MTX1: variants seen among roughly 807,000 people sequenced by gnomAD.
The protein encoded by MTX1 is metaxin-1.
MTX1 carries 20 observed loss-of-function variants against 39.4 expected under a neutral mutation model. The ratio of observed to expected loss-of-function variants is 0.51; its 90% CI spans 0.36 to 0.74. The LOEUF (loss-of-function observed/expected upper bound fraction) is 0.74, where lower values mean the gene tolerates loss of function less well. MTX1 is among the 30% of genes least tolerant of loss of function. MTX1 has a pLI of 0.00. For missense variants in MTX1, 481 were observed against 485.9 expected (o/e 0.99, Z 0.10); for synonymous variants, 209 against 198.6 (o/e 1.05, Z -0.44).
rs1406645633 is a variant in MTX1 at position 155,212,709 on chromosome 1, C to T, written c.970C>T (p.Arg324Trp). The T allele has an allele frequency of 4.4e-6, 7 of 1,606,726 alleles. No individual in the cohort carries two copies. Among genetic ancestry groups the T allele is most frequent in the South Asian group, 1.1e-5 (1 of 90,052 alleles). Residue 324 changes from arginine to tryptophan, a missense_variant, in exon 6 of 8, where the codon CGG (arginine) becomes TGG (tryptophan). Physicochemically the swap from Arg to Trp is moderately radical, Grantham distance 101. Transcript: ENST00000368376. Reference protein sequence around the residue: ...ELEKELYREARECLTLLSQRL... With the variant: ...ELEKELYREAWECLTLLSQRL... Reference sequence around the variant, plus strand: ...GCCCCTACAGCTGTACCGAGAGGCTCGGGAGTGTCTGACCCTGCTCTCTCA... The same window carrying T: ...GCCCCTACAGCTGTACCGAGAGGCTTGGGAGTGTCTGACCCTGCTCTCTCA...
At position 155,209,068 on chromosome 1, in the gene MTX1, CG is replaced by C; in HGVS notation, c.265del (p.Glu89ArgfsTer29). 12 of 1,538,598 alleles carry C rather than the reference CG, an allele frequency of 7.8e-6. No individual in the cohort carries two copies. Among genetic ancestry groups the C allele is most frequent in the Non-Finnish European group, 9.6e-6 (11 of 1,141,466 alleles). On this transcript the variant is annotated frameshift_variant, in exon 1 of 8. Transcript: ENST00000368376. LOFTEE classifies it high-confidence loss of function. ...LWMGRRPPSP[E>X]ARGPVPRSSA... ...GGATGGGCCGGCGGCCGCCCTCCCCCGAGGCCCGCGGCCCAGTCCCCCGCAG... is the reference window on the plus strand; with the variant it reads ...GGATGGGCCGGCGGCCGCCCTCCCCCAGGCCCGCGGCCCAGTCCCCCGCAG...
intron 1 of MTX1, 35 bp from the exon 2 acceptor site, chr1:155,210,311 C>T (rs751981052): frequency 1.3e-6 from 2 of 1,580,568 alleles, no homozygotes; most frequent in African/African-American, 2.7e-5. Context: ...GGGGACATGG[C>T]TCTGCCTCTC....
intron 1 of MTX1, 128 bp from the exon 2 acceptor site, chr1:155,210,218 T>C: frequency 1.2e-6 from 1 of 813,350 alleles, no homozygotes; most frequent in Non-Finnish European, 2.0e-6. Context: ...CTCCCCCTTT[T>C]TTTTCGAGAC....
At chr1:155,209,830 C>T (rs1380507294) in intron 1 of MTX1, among the ~76,000 whole-genome samples, 1 of 152,216 alleles carries the variant, frequency 6.6e-6, no homozygotes, top group Non-Finnish European at 1.5e-5. Context: ...TTCATTTATT[C>T]ATTGACTCCT....
In MTX1 at chr1:155,210,409, C is replaced by A; in HGVS notation, c.592C>A (p.Pro198Thr). The part of the protein sequence containing the change: ...VHKISNPWQS[P>T]SGTLPALRTS... Reference sequence around the variant, plus strand: ...CAAGATCAGCAACCCCTGGCAGAGCCCTTCAGGTACCCAGTATCCCTTGGG... The same window carrying A: ...CAAGATCAGCAACCCCTGGCAGAGCACTTCAGGTACCCAGTATCCCTTGGG... The change falls in exon 2 of 8, where the codon CCT becomes ACT. Residue 198 changes from proline to threonine, a missense_variant. Transcript: ENST00000368376. 1 of 1,614,118 alleles carries A rather than the reference C, an allele frequency of 6.2e-7. No homozygotes were observed. Among genetic ancestry groups the A allele is most frequent in the South Asian group, 1.1e-5 (1 of 91,086 alleles).
rs1263340607 is a variant in MTX1, at chr1:155,210,639, G to A, written c.678+12G>A. The A allele has an allele frequency of 6.2e-7, 1 of 1,610,236 alleles. No individual in the cohort carries two copies. Among genetic ancestry groups the A allele is most frequent in the East Asian group, 2.2e-5 (1 of 44,880 alleles). On this transcript the variant is annotated intron_variant, in intron 3 of 7. Transcript: ENST00000368376. ...ACCTTCGAAAAGAGGTAGGTGACTT[G>A]GATAGAGGGGGCTGCCAGTGAGAGA...
chr1:155,208,777 G>A lies in MTX1; in HGVS notation c.-28G>A, dbSNP rs1319401970. ...CATGGCGACAGGCGGCGCAGGGCCC[G>A]CTCCAAACATAACGCGCTGTGGAAA... On this transcript the variant is annotated 5_prime_UTR_variant, in exon 1 of 8. Coordinates refer to ENST00000368376, the MANE Select transcript of MTX1 (RefSeq NM_002455.5). 3.7e-6 allele frequency: 5 copies of A among 1,345,126 alleles called. No individual in the cohort carries two copies. Among genetic ancestry groups the A allele is most frequent in the South Asian group, 1.4e-5 (1 of 70,478 alleles). The allele number at this position is 1,345,126 out of a possible 1,614,324, so 83.3% of individuals were successfully genotyped here.
At position 155,209,269 on chromosome 1, in the gene MTX1, G is replaced by A; in HGVS notation, c.465G>A (p.Glu155=). ...TGGGCAAGATGGCGGCGCCCATGGA[G>A]CTGTTCTGCTGGTCAGGGGGCTGGG... is the stretch of plus-strand genomic sequence containing the variant. ...QRVGKMAAPM[E]LFCWSGGWGL... Residue 155 remains glutamate (E), a synonymous_variant, in exon 1 of 8, where the codon GAG becomes GAA. Transcript: ENST00000368376. The A allele has an allele frequency of 2.1e-6, 3 of 1,449,140 alleles. No homozygotes were observed. The highest frequency in any genetic ancestry group is 1.4e-5 in the African/African-American group (1 of 69,068). 89.8% of individuals were successfully genotyped at this position (1,449,140 alleles called of 1,614,324 possible). A position where few individuals can be genotyped will look rare whatever the true frequency, so the allele number is the denominator to read the frequency against.
intron 1 of MTX1, among the ~76,000 whole-genome samples, chr1:155,209,716 T>A (rs1671026276): frequency 6.6e-6 from 1 of 152,182 alleles, no homozygotes; most frequent in Non-Finnish European, 1.5e-5. Context: ...CCCCTTCTCC[T>A]CTTCCTCCTC....
rs771274044 is a variant in MTX1, at chr1:155,212,419, T to C, written c.806T>C (p.Val269Ala). 6.2e-7 allele frequency: 1 copy of C among 1,614,094 alleles called. No homozygotes were observed. The highest frequency in any genetic ancestry group is 8.5e-7 in the Non-Finnish European group (1 of 1,180,010). Residue 269 changes from valine (V) to alanine (A), a missense_variant, in exon 5 of 8, where the codon GTG becomes GCG. Around this residue, in one of 2 missense-constraint regions of MTX1, gnomAD observed 113 missense variants for 153.2 expected, o/e 0.74. Transcript: ENST00000368376. ...HTFWIDTKNY[V>A]EVTRKWYAEA... ...TTTTGGATAGACACCAAGAACTACGTGGAAGTGACCCGGAAGTGGTATGCA... is the reference window on the plus strand; with the variant it reads ...TTTTGGATAGACACCAAGAACTACGCGGAAGTGACCCGGAAGTGGTATGCA...
In MTX1 at chr1:155,208,787, T is replaced by G. The variant is rs753679940; in HGVS notation, c.-18T>G. ...GGCGGCGCAGGGCCCGCTCCAAACA[T>G]AACGCGCTGTGGAAAACATGCTGCT... On this transcript the variant is annotated 5_prime_UTR_variant, in exon 1 of 8. Transcript: ENST00000368376. 1.5e-6 allele frequency: 2 copies of G among 1,329,270 alleles called. No homozygotes were observed. Among genetic ancestry groups the G allele is most frequent in the Non-Finnish European group, 2.0e-6 (2 of 1,012,956 alleles). 82.3% of individuals were successfully genotyped at this position (1,329,270 alleles called of 1,614,324 possible).
Position 155,212,761 on chromosome 1 carries a change from T to C in MTX1, c.1022T>C (p.Phe341Ser). 6 of 1,593,760 alleles carry C rather than the reference T, an allele frequency of 3.8e-6. No homozygotes were observed. In the Middle Eastern group the frequency reaches 6.8e-4, roughly 179 times the overall value. Residue 341 changes from phenylalanine (F) to serine (S), a missense_variant, in exon 6 of 8, where the codon TTT becomes TCT. Phe to Ser is a radical substitution (Grantham distance 155, BLOSUM62 -2). This residue lies in a region of MTX1 where 113 missense variants were observed against 153.2 expected (regional missense o/e 0.74). Transcript: ENST00000368376. The stretch of plus-strand genomic sequence containing the variant: ...CGCCTGGGCTCTCAAAAGTTCTTCT[T>C]TGGAGATGCGTGAGTCTGACTCCAA... Reference protein sequence around the residue: ...SQRLGSQKFFFGDAPASLDAF... With the variant: ...SQRLGSQKFFSGDAPASLDAF...
At position 155,213,661 on chromosome 1, in the gene MTX1, G is replaced by A. The variant is rs1393857207; in HGVS notation, c.1364G>A (p.Arg455Gln). 1 of 53,468 alleles carries A rather than the reference G, an allele frequency of 1.9e-5. No homozygotes were observed. Among genetic ancestry groups the A allele is most frequent in the Admixed American group, 2.6e-4 (1 of 3,804 alleles). 3.3% of individuals were successfully genotyped at this position (53,468 alleles called of 1,614,324 possible). A position where few individuals can be genotyped will look rare whatever the true frequency, so the allele number is the denominator to read the frequency against. Reference sequence around the variant, plus strand: ...ACGCCTGCTCGGGCCCCAGGCACCCGGACCCTGGGCATGGCTGAGGAGGAT... The same window carrying A: ...ACGCCTGCTCGGGCCCCAGGCACCCAGACCCTGGGCATGGCTGAGGAGGAT... ...RATPARAPGT[R>Q]TLGMAEEDEE... Residue 455 changes from arginine to glutamine, a missense_variant, in exon 8 of 8, where the codon CGG becomes CAG. Physicochemically the swap from Arg to Gln is conservative, Grantham distance 43. This residue lies in a region of MTX1 where 113 missense variants were observed against 153.2 expected (regional missense o/e 0.74). Coordinates refer to ENST00000368376, the MANE Select transcript of MTX1 (RefSeq NM_002455.5).
At chr1:155,212,061 C>G in intron 3 of MTX1, 66 bp from the exon 4 acceptor site, 1 of 1,417,048 alleles carries the variant, frequency 7.1e-7, no homozygotes, top group Non-Finnish European at 9.7e-7. Flanking sequence ...AGACAGGACT[C>G]CTTCCTCCCT....
At chr1:155,212,988 G>A (rs150590342) in intron 6 of MTX1, among the ~76,000 whole-genome samples, 2 of 152,124 alleles carry the variant, frequency 1.3e-5, no homozygotes, top group Non-Finnish European at 2.9e-5. Context: ...CACAGGAGGG[G>A]CCTGAAGAGC....
At position 155,209,306 on chromosome 1, in the gene MTX1, G is replaced by C; in HGVS notation, c.502G>C (p.Val168Leu). 3.5e-6 allele frequency: 5 copies of C among 1,439,094 alleles called. No individual in the cohort carries two copies. Among genetic ancestry groups the C allele is most frequent in the Non-Finnish European group, 4.6e-6 (5 of 1,096,696 alleles). 89.1% of individuals were successfully genotyped at this position (1,439,094 alleles called of 1,614,324 possible). A position where few individuals can be genotyped will look rare whatever the true frequency, so the allele number is the denominator to read the frequency against. Residue 168 changes from valine to leucine, a missense_variant, in exon 1 of 8, where the codon GTG (valine) becomes CTG (leucine). Physicochemically the swap from Val to Leu is conservative, Grantham distance 32. This residue lies in a region of MTX1 where 368 missense variants were observed against 332.8 expected (regional missense o/e 1.11). Coordinates refer to ENST00000368376, the MANE Select transcript of MTX1 (RefSeq NM_002455.5). Reference protein sequence around the residue: ...CWSGGWGLPSVDLDSLAVLTY... With the variant: ...CWSGGWGLPSLDLDSLAVLTY... ...GTCAGGGGGCTGGGGGCTGCCGTCAGTGGACCTGGACAGCCTGGCCGTGCT... is the reference window on the plus strand; with the variant it reads ...GTCAGGGGGCTGGGGGCTGCCGTCACTGGACCTGGACAGCCTGGCCGTGCT...
At position 155,209,113 on chromosome 1, in the gene MTX1, C is replaced by A. The variant is rs988942034; in HGVS notation, c.309C>A (p.Ala103=). 1.0e-5 allele frequency: 16 copies of A among 1,542,786 alleles called. No homozygotes were observed. The Admixed American group carries it at 1.2e-4, about 11-fold the overall frequency. The change falls in exon 1 of 8, where the codon GCC becomes GCA. Residue 103 remains alanine, a synonymous_variant. Transcript: ENST00000368376. ...CCCGCAGTTCAGCTGCCAGTCGGGCCAGAAGAAGCCTCGCCTCCCCGGGGA... is the reference window on the plus strand; with the variant it reads ...CCCGCAGTTCAGCTGCCAGTCGGGCAAGAAGAAGCCTCGCCTCCCCGGGGA... ...PVPRSSAASR[A]RRSLASPGIS... is the part of the protein sequence containing the mutation.
chr1:155,212,865 A>G, intron 6 of MTX1, 95 bp downstream of exon 6: 1 of 1,444,476 alleles, frequency 6.9e-7, no homozygotes, highest in South Asian at 1.3e-5. Flanking sequence ...GGGCTGGCTC[A>G]GGCTCTGGAT....
chr1:155,213,276 C>T lies in MTX1; in HGVS notation c.1071C>T (p.Ala357=). ...ACGCCTTCGTCTTCAGCTACTTGGC[C>T]CTGCTGCTGCAGGCAAAGCTGCCCA... The part of the protein sequence containing the change: ...SLDAFVFSYL[A]LLLQAKLPSG... The change falls in exon 7 of 8, where the codon GCC becomes GCT. Residue 357 remains alanine (A), a synonymous_variant. Coordinates refer to ENST00000368376, the MANE Select transcript of MTX1 (RefSeq NM_002455.5). 1.9e-6 allele frequency: 1 copy of T among 519,088 alleles called. No individual in the cohort carries two copies. Among genetic ancestry groups the T allele is most frequent in the Non-Finnish European group, 3.3e-6 (1 of 300,608 alleles). 32.2% of individuals were successfully genotyped at this position (519,088 alleles called of 1,614,324 possible). A position where few individuals can be genotyped will look rare whatever the true frequency, so the allele number is the denominator to read the frequency against.
Sources: allele counts gnomAD v4.1 joint callset (sites outside exome capture counted in the v4.1 genomes callset), GRCh38; gene constraint gnomAD v4.1.1; regional missense constraint gnomAD v4.1.1; transcripts MANE v1.5; gene names NCBI Gene and HGNC (gene_info 2026-07-23, HGNC 2026-07-21).